ARMH3: variants seen among roughly 807,000 people sequenced by gnomAD.
ARMH3 encodes the protein armadillo-like helical domain-containing protein 3.
A neutral mutation model predicts 99.1 loss-of-function variants in ARMH3; 60 were observed. That is an observed-to-expected ratio of 0.61 (90% CI 0.49 to 0.75). The LOEUF (loss-of-function observed/expected upper bound fraction) is 0.75, where lower values mean the gene tolerates loss of function less well. Among genes scored for constraint, ARMH3 ranks in the 30% least tolerant of loss-of-function variants. The pLI is 0.00. For missense variants in ARMH3, 679 were observed against 843.1 expected (o/e 0.81, Z 2.41); for synonymous variants, 285 against 292.8 (o/e 0.97, Z 0.27).
chr10:102,010,780 A>G (rs1232170675), intron 11 of ARMH3, among the ~76,000 whole-genome samples: 1 of 152,222 alleles, frequency 6.6e-6, no homozygotes, highest in African/African-American at 2.4e-5. Flanking sequence ...GTATAATTGT[A>G]TCTAATTCAT....
chr10:102,037,081 A>G (rs2067295840), intron 2 of ARMH3, among the ~76,000 whole-genome samples: 1 of 151,820 alleles, frequency 6.6e-6, no homozygotes, highest in Non-Finnish European at 1.5e-5. Context: ...ATAATTGATT[A>G]ATTAAAATAA....
intron 20 of ARMH3, among the ~76,000 whole-genome samples, chr10:101,962,100 C>A (rs1365897258): frequency 6.6e-6 from 1 of 152,240 alleles, no homozygotes; most frequent in Non-Finnish European, 1.5e-5. Flanking sequence ...AGAAACTTAA[C>A]ACTGTGTAAA....
chr10:102,051,992 C>A (rs964430079), intron 1 of ARMH3, among the ~76,000 whole-genome samples: 1 of 152,098 alleles, frequency 6.6e-6, no homozygotes, highest in Non-Finnish European at 1.5e-5. Context: ...TGATTAGAAA[C>A]CACATTTTCT....
chr10:102,019,158 C>T (rs1022316707), intron 8 of ARMH3, among the ~76,000 whole-genome samples: 2 of 152,072 alleles, frequency 1.3e-5, no homozygotes, highest in African/African-American at 4.8e-5. Context: ...AAGCAACTCT[C>T]GTGCATCAGC....
At chr10:102,052,177 T>G (rs951663016) in intron 1 of ARMH3, among the ~76,000 whole-genome samples, 26 of 152,036 alleles carry the variant, frequency 1.7e-4, no homozygotes, top group Non-Finnish European at 3.2e-4. Context: ...ACCACCTAAA[T>G]ATAAAATGAA....
At chr10:102,041,269 C>T (rs1391216681) in intron 1 of ARMH3, among the ~76,000 whole-genome samples, 4 of 151,354 alleles carry the variant, frequency 2.6e-5, no homozygotes, top group East Asian at 1.9e-4. Flanking sequence ...GTCTTTACTG[C>T]GAATTTACAC....
chr10:101,886,797 T>A (rs1312271690), intron 24 of ARMH3, among the ~76,000 whole-genome samples: 2 of 152,218 alleles, frequency 1.3e-5, no homozygotes, highest in Non-Finnish European at 2.9e-5. Context: ...AATGGCAGGC[T>A]GGGCAGGCAG....
intron 24 of ARMH3, among the ~76,000 whole-genome samples, chr10:101,861,051 C>A (rs2066853447): frequency 2.6e-5 from 4 of 151,922 alleles, no homozygotes; most frequent in Non-Finnish European, 5.9e-5. Context: ...GAAATAGACC[C>A]AGAAATGAGG....
intron 23 of ARMH3, among the ~76,000 whole-genome samples, chr10:101,911,265 T>G (rs953065684): frequency 4.6e-5 from 7 of 152,188 alleles, no homozygotes; most frequent in African/African-American, 1.7e-4. Flanking sequence ...TGTCAATGGG[T>G]GCCAGGCTGC....
At chr10:101,999,338 C>T (rs1027996458) in intron 15 of ARMH3, among the ~76,000 whole-genome samples, 1 of 152,148 alleles carries the variant, frequency 6.6e-6, no homozygotes, top group East Asian at 1.9e-4. Context: ...ATTACAGGCA[C>T]CCACCACCAT....
chr10:101,979,262 T>C (rs1410762872), intron 19 of ARMH3, among the ~76,000 whole-genome samples: 1 of 152,166 alleles, frequency 6.6e-6, no homozygotes, highest in Non-Finnish European at 1.5e-5. Context: ...AATGAATAAA[T>C]ACAACGATGT....
chr10:101,909,275 C>T (rs1268547700), intron 23 of ARMH3, among the ~76,000 whole-genome samples: 12 of 151,758 alleles, frequency 7.9e-5, no homozygotes, highest in Middle Eastern at 3.4e-3. Flanking sequence ...GGTGTGGTGG[C>T]GCACGCCTGT....
At chr10:101,912,069 A>G (rs1297053017) in intron 23 of ARMH3, among the ~76,000 whole-genome samples, 1 of 151,730 alleles carries the variant, frequency 6.6e-6, no homozygotes, top group East Asian at 1.9e-4. Flanking sequence ...GGAATCCAGT[A>G]TGAATGTACA....
At chr10:101,965,439 T>C (rs1845492158) in intron 20 of ARMH3, among the ~76,000 whole-genome samples, 1 of 152,162 alleles carries the variant, frequency 6.6e-6, no homozygotes. Context: ...AAATTCAAAA[T>C]GAACCCCGGG....
At chr10:101,937,519 CAAA>C (rs1231569417) in intron 23 of ARMH3, among the ~76,000 whole-genome samples, 11 of 92,640 alleles carry the variant, frequency 1.2e-4, no homozygotes, top group Admixed American at 1.2e-4. Flanking sequence ...ACCCTGTCTC[CAAA>C]AAAAAAAAAA....
intron 24 of ARMH3, among the ~76,000 whole-genome samples, chr10:101,865,655 A>G (rs1283104584): frequency 6.6e-6 from 1 of 151,834 alleles, no homozygotes; most frequent in Non-Finnish European, 1.5e-5. Flanking sequence ...CTCCAGGCTA[A>G]TTTTCATATT....
chr10:101,852,550 G>T (rs2066627688), intron 24 of ARMH3, among the ~76,000 whole-genome samples: 1 of 152,208 alleles, frequency 6.6e-6, no homozygotes, highest in Non-Finnish European at 1.5e-5. Context: ...GAAGTCAGGA[G>T]TTCGAGACCA....
intron 23 of ARMH3, among the ~76,000 whole-genome samples, chr10:101,897,516 AG>A (rs1163400144): frequency 6.6e-6 from 1 of 152,160 alleles, no homozygotes. Context: ...TCATATCAAG[AG>A]GCTAGAGGAA....
intron 13 of ARMH3, among the ~76,000 whole-genome samples, chr10:102,007,888 G>C (rs1290273420): frequency 6.8e-6 from 1 of 147,226 alleles, no homozygotes; most frequent in Non-Finnish European, 1.5e-5. Flanking sequence ...CGGCCTTCCT[G>C]TTCCACAACA....
Sources: allele counts gnomAD v4.1 joint callset (sites outside exome capture counted in the v4.1 genomes callset), GRCh38; gene constraint gnomAD v4.1.1; transcripts MANE v1.5; gene names NCBI Gene and HGNC (gene_info 2026-07-23, HGNC 2026-07-21).